The following PLEKHJ1 variants were observed in gnomAD, a reference collection of about 807,000 sequenced individuals.
PLEKHJ1 encodes the protein pleckstrin homology domain containing J1, also known as pleckstrin homology domain-containing family J member 1.
A neutral mutation model predicts 21.7 loss-of-function variants in PLEKHJ1; 20 were observed. The observed-to-expected ratio is 0.92, with a 90% CI of 0.65 to 1.34. PLEKHJ1 has a LOEUF of 1.34. Ranked by LOEUF, PLEKHJ1 falls within the 40% of genes most tolerant of loss-of-function variation. The pLI, the probability that PLEKHJ1 is intolerant of heterozygous loss-of-function variation, is 0.00. For missense variants in PLEKHJ1, 241 were observed against 202.0 expected (o/e 1.19, Z -1.17); for synonymous variants, 113 against 80.6 (o/e 1.40, Z -2.15).
downstream of PLEKHJ1, chr19:2,232,436 C>T (rs771447215): frequency 4.1e-5 from 9 of 221,774 alleles, no homozygotes; most frequent in African/African-American, 1.3e-4. Flanking sequence ...GAGGCTCTGC[C>T]GTGTCTTCCG....
In PLEKHJ1 at chr19:2,234,052, GAA is replaced by G; in HGVS notation, c.328_329del (p.Phe110HisfsTer95). On this transcript the variant is annotated frameshift_variant, in exon 5 of 6. Transcript: ENST00000326631. LOFTEE classifies it high-confidence loss of function. ...TGTAGAAGATGAGGCTTCTCCGCAT[GAA>G]CTCGTAGCTGGGGAAAAGGGTGGCA... ...MEALRRASYE[F>X]MRRSLIFYRN... 1 of 1,613,546 alleles carries G rather than the reference GAA, an allele frequency of 6.2e-7. No homozygotes were observed. The highest frequency in any genetic ancestry group is 8.5e-7 in the Non-Finnish European group (1 of 1,180,022).
downstream of PLEKHJ1, chr19:2,232,619 C>T (rs951603970): frequency 4.3e-5 from 8 of 186,712 alleles, no homozygotes; most frequent in East Asian, 8.5e-5. Context: ...TGGCATGAGG[C>T]GTCTCCTGGC....
chr19:2,230,511 G>C (rs898885149), downstream of PLEKHJ1: 28 of 398,696 alleles, frequency 7.0e-5, no homozygotes, highest in Non-Finnish European at 1.1e-4. Context: ...GACGGCGCGG[G>C]CACGTTGAAC....
At chr19:2,231,233 G>GCC (rs777757600), downstream of PLEKHJ1, 115 of 228,036 alleles carry the variant, frequency 5.0e-4, no homozygotes, top group Admixed American at 1.1e-3. Context: ...CACTTGCTGA[G>GCC]CCCACCTTCT....
At chr19:2,235,656 G>A in intron 3 of PLEKHJ1, 106 bp downstream of exon 3, 1 of 924,622 alleles carries the variant, frequency 1.1e-6, no homozygotes, top group Non-Finnish European at 1.6e-6. Flanking sequence ...GGTGGCGCCA[G>A]GCTGGGGACA....
rs374649133 is a variant in PLEKHJ1, at chr19:2,233,780, G to A, written c.*60C>T. 108 of 1,465,494 alleles carry A rather than the reference G, an allele frequency of 7.4e-5. No homozygotes were observed. The East Asian group carries it at 9.6e-4, about 13-fold the overall frequency. 90.8% of individuals were successfully genotyped at this position (1,465,494 alleles called of 1,614,324 possible). A position where few individuals can be genotyped will look rare whatever the true frequency, so the allele number is the denominator to read the frequency against. On this transcript the variant is annotated 3_prime_UTR_variant, in exon 6 of 6. Transcript: ENST00000326631. Reference sequence around the variant, plus strand: ...AAAACAGATCCAGGCATGGCCAAGCGATTCATGGCTGGGCAGGGCCAGTCC... The same window carrying A: ...AAAACAGATCCAGGCATGGCCAAGCAATTCATGGCTGGGCAGGGCCAGTCC...
At chr19:2,231,417 TTGC>T, downstream of PLEKHJ1, 1 of 204,216 alleles carries the variant, frequency 4.9e-6, no homozygotes, top group East Asian at 7.4e-5. Context: ...GCTTCTGTGG[TTGC>T]TAGGTGGGGG....
intron 2 of PLEKHJ1, 25 bp from the exon 3 acceptor site, chr19:2,235,853 C>T: frequency 6.4e-7 from 1 of 1,572,308 alleles, no homozygotes; most frequent in Non-Finnish European, 8.6e-7. Context: ...GGCGCCGGGA[C>T]GGGGCAGTGA....
At chr19:2,230,380 T>C, downstream of PLEKHJ1, 1 of 407,062 alleles carries the variant, frequency 2.5e-6, no homozygotes, top group Middle Eastern at 6.2e-4. Flanking sequence ...GCTCTTCACC[T>C]TTACCCCGGC....
At chr19:2,230,207 T>C (rs2024538324), downstream of PLEKHJ1, 2 of 432,808 alleles carry the variant, frequency 4.6e-6, no homozygotes, top group East Asian at 3.5e-5. Context: ...CGCTTGGTGC[T>C]GACTAGACGC....
At chr19:2,231,477 G>C (rs948589452), downstream of PLEKHJ1, 32 of 206,338 alleles carry the variant, frequency 1.6e-4, no homozygotes, top group Admixed American at 1.3e-3. Context: ...GCCTGGTGAG[G>C]GGGGTGCTGC....
chr19:2,234,397 C>T (rs936223363), intron 3 of PLEKHJ1, 157 bp from the exon 4 acceptor site: 35 of 600,892 alleles, frequency 5.8e-5, no homozygotes, highest in Non-Finnish European at 8.9e-5. Flanking sequence ...TAAACAGGGT[C>T]TTTGCATATA....
At chr19:2,230,904 C>T (rs1012814068), downstream of PLEKHJ1, 2 of 298,280 alleles carry the variant, frequency 6.7e-6, no homozygotes, top group African/African-American at 2.1e-5. Context: ...TGGCACCCAT[C>T]CCTTGGAGCC....
At chr19:2,231,956 C>T (rs2024617248), downstream of PLEKHJ1, 2 of 212,674 alleles carry the variant, frequency 9.4e-6, no homozygotes, top group Non-Finnish European at 1.9e-5. Flanking sequence ...CGTGTCACCA[C>T]ACGTGAACTA....
In PLEKHJ1 at chr19:2,234,205, C is replaced by G. The variant is rs1300879321; in HGVS notation, c.265G>C (p.Glu89Gln). 1.2e-6 allele frequency: 2 copies of G among 1,613,072 alleles called. No homozygotes were observed. Among genetic ancestry groups the G allele is most frequent in the Non-Finnish European group, 1.7e-6 (2 of 1,180,022 alleles). ...TGACACTGCTCCTCGCTGCTGCACT[C>G]AAAGTGATACTTCCTCTCAGGGTCC... ...IEDPERKYHF[E>Q]CSSEEQCQEW... is the part of the protein sequence containing the mutation. Residue 89 changes from glutamate to glutamine, a missense_variant, in exon 4 of 6, where the codon GAG (glutamate) becomes CAG (glutamine). Glu to Gln is a conservative substitution (Grantham distance 29). Transcript: ENST00000326631.
At chr19:2,230,099 C>T (rs2024533372), downstream of PLEKHJ1, 2 of 560,794 alleles carry the variant, frequency 3.6e-6, no homozygotes, top group Admixed American at 3.5e-5. Context: ...TATGAGAGCT[C>T]TATATAAAGA....
At chr19:2,230,485 G>A (rs1467365975), downstream of PLEKHJ1, 4 of 399,012 alleles carry the variant, frequency 1.0e-5, no homozygotes, top group Admixed American at 4.4e-5. Flanking sequence ...CATGTGCTGC[G>A]CGATGGTGCT....
chr19:2,236,175 C>T lies in PLEKHJ1; in HGVS notation c.74G>A (p.Arg25Lys). 3 of 1,483,430 alleles carry T rather than the reference C, an allele frequency of 2.0e-6. No individual in the cohort carries two copies. The South Asian group carries it at 3.9e-5, about 19-fold the overall frequency. 91.9% of individuals were successfully genotyped at this position (1,483,430 alleles called of 1,614,324 possible). Residue 25 changes from arginine (R) to lysine (K), a missense_variant, in exon 1 of 6, where the codon AGG (arginine) becomes AAG (lysine). Transcript: ENST00000326631. ...CTCACCGCTGCCCTTCTTGGGGCCCCTCATGCCCAGCTCGGCCGCCATCTC... is the reference window on the plus strand; with the variant it reads ...CTCACCGCTGCCCTTCTTGGGGCCCTTCATGCCCAGCTCGGCCGCCATCTC... ...PAEMAAELGMRGPKKGSVLKR... is the reference protein window; with the variant it reads ...PAEMAAELGMKGPKKGSVLKR...
downstream of PLEKHJ1, chr19:2,232,502 G>GCCCCTTCCTCTGGGCA (rs1205796712): frequency 2.7e-5 from 6 of 221,116 alleles, no homozygotes; most frequent in Non-Finnish European, 5.4e-5. Context: ...GGCTGCAGGC[G>GCCCCTTCCTCTGGGCA]CCCCTTCCTC....
Sources: gnomAD v4.1 joint callset for allele counts on GRCh38, gnomAD v4.1.1 for gene constraint, MANE v1.5 for transcripts, NCBI Gene and HGNC (gene_info 2026-07-23, HGNC 2026-07-21) for gene names.